Variants in SEC16A observed in about 807,000 individuals in gnomAD.
SEC16A encodes the protein SEC16 homolog A, endoplasmic reticulum export factor.
In SEC16A, 110 loss-of-function variants were observed where a neutral mutation model predicts 221.9. The ratio of observed to expected loss-of-function variants is 0.50; its 90% confidence interval spans 0.42 to 0.58. The LOEUF (loss-of-function observed/expected upper bound fraction) is 0.58, where lower values mean the gene tolerates loss of function less well. Among genes scored for constraint, SEC16A ranks in the 20% least tolerant of loss-of-function variants. The pLI is 0.00. For missense variants in SEC16A, 3,165 were observed against 3,097.8 expected (o/e 1.02, Z -0.52); for synonymous variants, 1,393 against 1,257.7 (o/e 1.11, Z -2.28).
Position 136,476,333 on chromosome 9 carries a change from A to G in SEC16A, c.1283T>C (p.Leu428Pro), listed in dbSNP as rs1432391283. Reference sequence around the variant, plus strand: ...AGCAGCCTCATTGCTGGGGCCTGGGAGAAGGGCCTGGCAGAGGCTGCCTGC... The same window carrying G: ...AGCAGCCTCATTGCTGGGGCCTGGGGGAAGGGCCTGGCAGAGGCTGCCTGC... The part of the protein sequence containing the change: ...VGAGSLCQAL[L>P]PGPSNEAAGD... The change falls in exon 3 of 32, where the codon CTC (leucine) becomes CCC (proline). Residue 428 changes from leucine to proline, a missense_variant. Transcript: ENST00000684901. The G allele has an allele frequency of 9.9e-6, 16 of 1,612,670 alleles. No individual in the cohort carries two copies. The highest frequency in any genetic ancestry group is 1.1e-5 in the Non-Finnish European group (13 of 1,179,902).
chr9:136,453,902 A>G (rs1157956996), intron 21 of SEC16A, among the ~76,000 whole-genome samples: 1 of 152,258 alleles, frequency 6.6e-6, no homozygotes, highest in African/African-American at 2.4e-5. Flanking sequence ...CAAAAAGCCA[A>G]GTTACAAAAG....
chr9:136,454,981 CA>C (rs1326579820), intron 20 of SEC16A, among the ~76,000 whole-genome samples: 1 of 152,024 alleles, frequency 6.6e-6, no homozygotes, highest in Non-Finnish European at 1.5e-5. Flanking sequence ...GGCTCAGGGC[CA>C]AGCTTGGAGG....
At chr9:136,443,639 G>T (rs1246807006) in intron 31 of SEC16A, among the ~76,000 whole-genome samples, 184 bp downstream of exon 31, 1 of 152,196 alleles carries the variant, frequency 6.6e-6, no homozygotes, top group Non-Finnish European at 1.5e-5. Context: ...TGAGATCAGA[G>T]ATCGCACCAC....
upstream of SEC16A, chr9:136,484,711 G>A: frequency 7.3e-7 from 1 of 1,366,666 alleles, no homozygotes; most frequent in Non-Finnish European, 9.8e-7. Flanking sequence ...GAGAGCTTCA[G>A]TCCGGCTGAC....
rs1398511512 is a variant in SEC16A at position 136,475,624 on chromosome 9, G to C, written c.1992C>G (p.Asp664Glu). Residue 664 changes from aspartate (D) to glutamate (E), a missense_variant, in exon 3 of 32, where the codon GAC becomes GAG. Coordinates refer to ENST00000684901, the MANE Select transcript of SEC16A (RefSeq NM_014866.2). This position sits in a 1 kb window ranked among gnomAD's most constrained non-coding sequence, Gnocchi z 5.0. The part of the protein sequence containing the change: ...ASPGNLEQPP[D>E]NMETLCAPQV... Reference sequence around the variant, plus strand: ...GGGGTGCACAGAGGGTCTCCATGTTGTCTGGTGGCTGCTCCAGGTTGCCAG... The same window carrying C: ...GGGGTGCACAGAGGGTCTCCATGTTCTCTGGTGGCTGCTCCAGGTTGCCAG... 1 of 1,613,658 alleles carries C rather than the reference G, an allele frequency of 6.2e-7. No homozygotes were observed. The highest frequency in any genetic ancestry group is 8.5e-7 in the Non-Finnish European group (1 of 1,179,870).
intron 21 of SEC16A, 22 bp downstream of exon 21, chr9:136,454,087 G>T: frequency 1.3e-6 from 2 of 1,542,164 alleles, no homozygotes; most frequent in South Asian, 2.4e-5. Context: ...CTGCTCTCGA[G>T]ACAGCATCTC....
chr9:136,464,550 G>A lies in SEC16A; in HGVS notation c.4316C>T (p.Pro1439Leu). 6.2e-7 allele frequency: 1 copy of A among 1,600,196 alleles called. No individual in the cohort carries two copies. Among genetic ancestry groups the A allele is most frequent in the Non-Finnish European group, 8.6e-7 (1 of 1,169,018 alleles). ...CACTGAAAATTTTTCAGGAGAAGTTGGTCTTGATGAAACTGCATTTAAAAT... is the reference window on the plus strand; with the variant it reads ...CACTGAAAATTTTTCAGGAGAAGTTAGTCTTGATGAAACTGCATTTAAAAT... ...WPAMEQVSSR[P>L]TSPEKFSVPH... is the part of the protein sequence containing the mutation. The change falls in exon 9 of 32, where the codon CCA (proline) becomes CTA (leucine). Residue 1439 changes from proline (P) to leucine (L), a missense_variant. By Grantham distance (98) the Pro-to-Leu change is moderately conservative. Coordinates refer to ENST00000684901, the MANE Select transcript of SEC16A (RefSeq NM_014866.2).
rs1841743368 is a variant in SEC16A, at chr9:136,477,072, G to C, written c.544C>G (p.Leu182Val). 1 of 1,613,724 alleles carries C rather than the reference G, an allele frequency of 6.2e-7. No homozygotes were observed. The highest frequency in any genetic ancestry group is 1.3e-5 in the African/African-American group (1 of 74,924). Residue 182 changes from leucine to valine, a missense_variant, in exon 3 of 32, where the codon CTC becomes GTC. Physicochemically the swap from Leu to Val is conservative, Grantham distance 32. This residue lies in a region of SEC16A where 2,030 missense variants were observed against 1,923.1 expected (regional missense o/e 1.06). Transcript: ENST00000684901. ...TTTTGCCTGCTCAGGGGTCGGTCGA[G>C]CCCAGGCATGTTCCCATGAGGGTGG... ...GGHPHGNMPG[L>V]DRPLSRQNPH...
chr9:136,449,441 G>A (rs1266911391), intron 23 of SEC16A, among the ~76,000 whole-genome samples: 3 of 152,146 alleles, frequency 2.0e-5, no homozygotes, highest in African/African-American at 7.2e-5. Context: ...GTAGAGATGG[G>A]GTTTCACCAT....
upstream of SEC16A, chr9:136,483,730 G>C (rs1166341856): frequency 1.0e-6 from 1 of 985,442 alleles, no homozygotes; most frequent in Non-Finnish European, 1.2e-6. Flanking sequence ...GCTGAGAAGC[G>C]CGGGGCCCTG....
Position 136,454,301 on chromosome 9 carries a change from A to G in SEC16A, c.5884T>C (p.Leu1962=). 1.9e-6 allele frequency: 3 copies of G among 1,581,570 alleles called. No homozygotes were observed. The highest frequency in any genetic ancestry group is 2.6e-6 in the Non-Finnish European group (3 of 1,164,386). Residue 1962 remains leucine (L), a synonymous_variant, in exon 21 of 32, where the codon TTG becomes CTG. Coordinates refer to ENST00000684901, the MANE Select transcript of SEC16A (RefSeq NM_014866.2). ...SAPQTLPDGP[L]ASPARVPMFP... is the part of the protein sequence containing the mutation. ...ATCGGCACTCTGGCAGGACTGGCCA[A>G]TGGGCCGTCAGGGAGCGTCTGCGGA...
chr9:136,444,082 G>A, intron 30 of SEC16A, 182 bp from the exon 31 acceptor site: 1 of 522,634 alleles, frequency 1.9e-6, no homozygotes, highest in East Asian at 3.4e-5. Context: ...GAGAAAAATG[G>A]TGAAAATCAA....
rs1238327081 is a variant in SEC16A at position 136,451,379 on chromosome 9, C to T, written c.6189G>A (p.Glu2063=). 6.2e-7 allele frequency: 1 copy of T among 1,611,894 alleles called. No individual in the cohort carries two copies. Among genetic ancestry groups the T allele is most frequent in the Admixed American group, 1.7e-5 (1 of 59,488 alleles). Residue 2063 remains glutamate, a synonymous_variant, in exon 23 of 32, where the codon GAG becomes GAA. Coordinates refer to ENST00000684901, the MANE Select transcript of SEC16A (RefSeq NM_014866.2). ...LTPSRTVPDS[E]APPGWDRADS... ...CGGCACGATCCCACCCTGGGGGGGC[C>T]TCCGAGTCTGGCACCGTCCTCGAGG...
At position 136,459,506 on chromosome 9, in the gene SEC16A, C is replaced by G; in HGVS notation, c.5241G>C (p.Gln1747His). The change falls in exon 16 of 32, where the codon CAG (glutamine) becomes CAC (histidine). Residue 1747 changes from glutamine (Q) to histidine (H), a missense_variant. This residue lies in a region of SEC16A where 1,088 missense variants were observed against 1,089.6 expected (regional missense o/e 1.00). Coordinates refer to ENST00000684901, the MANE Select transcript of SEC16A (RefSeq NM_014866.2). The surrounding 1 kb of genome is among the most constrained non-coding windows in gnomAD (Gnocchi z 6.1). ...TCTTCGTGTAAACACCAAATCCCGC[C>G]TGGGCCATGAGGTAGCAGAAGTGGG... ...DAAHFCYLMAQAGFGVYTKKT... is the reference protein window; with the variant it reads ...DAAHFCYLMAHAGFGVYTKKT... The G allele has an allele frequency of 6.2e-7, 1 of 1,607,596 alleles. No individual in the cohort carries two copies. The highest frequency in any genetic ancestry group is 8.5e-7 in the Non-Finnish European group (1 of 1,176,764).
Position 136,447,804 on chromosome 9 carries a change from TC to T in SEC16A, c.6447+48del, listed in dbSNP as rs1837219095. 6.4e-7 allele frequency: 1 copy of T among 1,572,116 alleles called. No homozygotes were observed. Among genetic ancestry groups the T allele is most frequent in the Admixed American group, 1.8e-5 (1 of 56,700 alleles). On this transcript the variant is annotated intron_variant, in intron 25 of 31. Coordinates refer to ENST00000684901, the MANE Select transcript of SEC16A (RefSeq NM_014866.2). This position sits in a 1 kb window ranked among gnomAD's most constrained non-coding sequence, Gnocchi z 5.5. The stretch of plus-strand genomic sequence containing the variant: ...ATATCACAGGGCCACATGAGGCTGT[TC>T]CCTCCACTCACACCTCACACCCAAC...
In SEC16A at chr9:136,454,056, A is replaced by C. The variant is rs917828272; in HGVS notation, c.6076+53T>G. 66 of 1,463,684 alleles carry C rather than the reference A, an allele frequency of 4.5e-5. No homozygotes were observed. The Admixed American group carries it at 4.7e-4, about 10-fold the overall frequency. The allele number at this position is 1,463,684 out of a possible 1,614,324, so 90.7% of individuals were successfully genotyped here. ...CAATCTCTTCCACCAATCCCCACAA[A>C]CACCACACCCCATGCTGCTTCTGCT... On this transcript the variant is annotated intron_variant, in intron 21 of 31. Coordinates refer to ENST00000684901, the MANE Select transcript of SEC16A (RefSeq NM_014866.2).
Position 136,477,490 on chromosome 9 carries a change from A to T in SEC16A, c.126T>A (p.Ala42=), listed in dbSNP as rs369387561. 13 of 1,613,874 alleles carry T rather than the reference A, an allele frequency of 8.1e-6. No individual in the cohort carries two copies. The African/African-American group carries it at 1.7e-4, about 22-fold the overall frequency. The change falls in exon 3 of 32, where the codon GCT becomes GCA. Residue 42 remains alanine (A), a synonymous_variant. Coordinates refer to ENST00000684901, the MANE Select transcript of SEC16A (RefSeq NM_014866.2). ...CCGGCTGCAACGGGCAAGTTGTCGG[A>T]GCCACTGCTGCATTATTATTAGCCC... ...RRRANNNAAV[A]PTTCPLQPVT...
At chr9:136,446,025 C>T (rs1445235513) in intron 28 of SEC16A, among the ~76,000 whole-genome samples, 2 of 151,994 alleles carry the variant, frequency 1.3e-5, no homozygotes, top group Admixed American at 6.6e-5. Context: ...AGTGACTGCC[C>T]CATGCTTTAC....
At position 136,455,689 on chromosome 9, in the gene SEC16A, T is replaced by C. The variant is rs1838545231; in HGVS notation, c.5769A>G (p.Pro1923=). 2 of 1,593,962 alleles carry C rather than the reference T, an allele frequency of 1.3e-6. No homozygotes were observed. The highest frequency in any genetic ancestry group is 3.5e-5 in the Admixed American group (2 of 57,570). ...GAGGGTTGGCGATCCCCAGGGCTCC[T>C]GGCTGACTGAGTCCTGGCCTGTCCA... ...EQLDRPGLSQ[P]GALGIANPLL... The change falls in exon 20 of 32, where the codon CCA becomes CCG. Residue 1923 remains proline (P), a synonymous_variant. Transcript: ENST00000684901.
Sources: allele counts gnomAD v4.1 joint callset (sites outside exome capture counted in the v4.1 genomes callset), GRCh38; gene constraint gnomAD v4.1.1; regional missense constraint gnomAD v4.1.1; non-coding constraint Gnocchi (gnomAD v3.1); transcripts MANE v1.5; gene names NCBI Gene and HGNC (gene_info 2026-07-23, HGNC 2026-07-21).